Variants in DPAGT1 observed in about 807,000 individuals in gnomAD.
The protein encoded by DPAGT1 is UDP-N-acetylglucosamine--dolichyl-phosphate N-acetylglucosaminephosphotransferase.
A neutral mutation model predicts 39.3 loss-of-function variants in DPAGT1; 25 were observed. The observed-to-expected ratio is 0.64, with a 90% CI of 0.46 to 0.89. The LOEUF is 0.89. DPAGT1 is among the 40% of genes least tolerant of loss of function. The pLI is 0.00. For missense variants in DPAGT1, 381 were observed against 500.6 expected (o/e 0.76, Z 2.28); for synonymous variants, 193 against 201.4 (o/e 0.96, Z 0.36).
downstream of DPAGT1, chr11:119,094,628 T>A (rs1064193): frequency 0.3 from 59,018 of 197,560 alleles, 9,966 homozygotes; most frequent in East Asian, 0.51. Flanking sequence ...GCCGCCGGCC[T>A]CCCCCCGGCA....
chr11:119,098,517 G>GT, intron 4 of DPAGT1, 30 bp from the exon 5 acceptor site: 1 of 1,607,636 alleles, frequency 6.2e-7, no homozygotes, highest in Admixed American at 1.7e-5. Context: ...AGAAGGAAAA[G>GT]TTAATACCCA....
rs1227328004 is a variant in DPAGT1 at position 119,097,991 on chromosome 11, T to G, written c.781A>C (p.Thr261Pro). 1.2e-6 allele frequency: 2 copies of G among 1,614,052 alleles called. No individual in the cohort carries two copies. Among genetic ancestry groups the G allele is most frequent in the East Asian group, 4.5e-5 (2 of 44,892 alleles). Residue 261 changes from threonine to proline, a missense_variant, in exon 6 of 9, where the codon ACC (threonine) becomes CCC (proline). Thr to Pro is a conservative substitution (Grantham distance 38, BLOSUM62 -1). Transcript: ENST00000354202. This position sits in a 1 kb window ranked among gnomAD's most constrained non-coding sequence, Gnocchi z 4.6. Reference sequence around the variant, plus strand: ...CCCAAGATGCCCACCACGGCAAAGGTCATGCCAGCAAAGTAACAGAAGGTA... The same window carrying G: ...CCCAAGATGCCCACCACGGCAAAGGGCATGCCAGCAAAGTAACAGAAGGTA... ...GDTFCYFAGM[T>P]FAVVGILGHF... is the part of the protein sequence containing the mutation.
intron 1 of DPAGT1, 66 bp from the exon 2 acceptor site, chr11:119,101,204 G>A (rs1040735128): frequency 5.6e-6 from 9 of 1,607,998 alleles, no homozygotes; most frequent in Admixed American, 5.0e-5. Context: ...ACTAGTGCAG[G>A]TGTTACAGTA....
intron 5 of DPAGT1, 128 bp downstream of exon 5, chr11:119,098,275 A>C: frequency 8.3e-7 from 1 of 1,211,686 alleles, no homozygotes; most frequent in East Asian, 2.3e-5. Flanking sequence ...AATACGACCA[A>C]CTGAAGACGC....
chr11:119,099,982 A>G (rs898476006), intron 4 of DPAGT1, among the ~76,000 whole-genome samples: 2 of 152,078 alleles, frequency 1.3e-5, no homozygotes, highest in Non-Finnish European at 2.9e-5. Context: ...CGGTCACAGA[A>G]TGACCCTGTG....
In DPAGT1 at chr11:119,101,497, C is replaced by T. The variant is rs1414244040; in HGVS notation, c.159G>A (p.Gln53=). Reference sequence around the variant, plus strand: ...CGGACCCGTGTGCCGCTGCTCACATCTGCTGTCGGCTGGTTTTGTTGAGGT... The same window carrying T: ...CGGACCCGTGTGCCGCTGCTCACATTTGCTGTCGGCTGGTTTTGTTGAGGT... ...GQDLNKTSRQ[Q]IPESQGVISG... Residue 53 remains glutamine (Q), a splice_region_variant and synonymous_variant, in exon 1 of 9, where the codon CAG becomes CAA. Transcript: ENST00000354202. The T allele has an allele frequency of 3.1e-6, 5 of 1,614,080 alleles. No homozygotes were observed. The highest frequency in any genetic ancestry group is 4.2e-6 in the Non-Finnish European group (5 of 1,179,932).
At position 119,097,427 on chromosome 11, in the gene DPAGT1, G is replaced by A. The variant is rs775602137; in HGVS notation, c.1005+37C>T. 1.2e-6 allele frequency: 2 copies of A among 1,613,090 alleles called. No individual in the cohort carries two copies. Reference sequence around the variant, plus strand: ...GTTCCCCATTCCTCAAGGTCAGGATGGCAGCCTAGGGCCTTACCTCCTTGT... The same window carrying A: ...GTTCCCCATTCCTCAAGGTCAGGATAGCAGCCTAGGGCCTTACCTCCTTGT... On this transcript the variant is annotated intron_variant, in intron 7 of 8. Transcript: ENST00000354202. The surrounding 1 kb of genome is among the most constrained non-coding windows in gnomAD (Gnocchi z 4.6).
chr11:119,100,506 G>A (rs1592228811), intron 3 of DPAGT1, 98 bp from the exon 4 acceptor site: 1 of 1,600,360 alleles, frequency 6.2e-7, no homozygotes, highest in Non-Finnish European at 8.6e-7. Context: ...TAGGATGAAG[G>A]GCTACCAGAA....
intron 4 of DPAGT1, 34 bp from the exon 5 acceptor site, chr11:119,098,521 A>G (rs1431305989): frequency 1.2e-6 from 2 of 1,604,506 alleles, no homozygotes; most frequent in Admixed American, 3.3e-5. Context: ...GGAAAAGTTA[A>G]TACCCACTTC....
chr11:119,095,049 G>A (rs1236744705), downstream of DPAGT1: 3 of 1,613,766 alleles, frequency 1.9e-6, no homozygotes, highest in African/African-American at 2.7e-5. Flanking sequence ...TTGGGCAGCA[G>A]CACGGCCTGG....
downstream of DPAGT1, chr11:119,095,588 G>T: frequency 1.7e-6 from 1 of 574,954 alleles, no homozygotes; most frequent in Non-Finnish European, 2.9e-6. Flanking sequence ...GGGTGTCGCG[G>T]CTCGGCTGAG....
chr11:119,101,832 T>A lies in DPAGT1; in HGVS notation c.-177A>T. 6.7e-7 allele frequency: 1 copy of A among 1,482,026 alleles called. No individual in the cohort carries two copies. The highest frequency in any genetic ancestry group is 8.9e-7 in the Non-Finnish European group (1 of 1,118,160). The allele number at this position is 1,482,026 out of a possible 1,614,324, so 91.8% of individuals were successfully genotyped here. A position where few individuals can be genotyped will look rare whatever the true frequency, so the allele number is the denominator to read the frequency against. ...GCCGCCGTCGGGACACCGGGGAACC[T>A]CTCTAAGGCAACCTATGTTCTGCCC... On this transcript the variant is annotated 5_prime_UTR_variant, in exon 1 of 9. Coordinates refer to ENST00000354202, the MANE Select transcript of DPAGT1 (RefSeq NM_001382.4).
Position 119,100,331 on chromosome 11 carries a change from C to T in DPAGT1, c.574G>A (p.Gly192Ser), listed in dbSNP as rs768464558. Residue 192 changes from glycine to serine, a missense_variant, in exon 4 of 9, where the codon GGC becomes AGC. By Grantham distance (56) the Gly-to-Ser change is moderately conservative. Coordinates refer to ENST00000354202, the MANE Select transcript of DPAGT1 (RefSeq NM_001382.4). ...NAINILAGIN[G>S]LEAGQSLVIS... ...ACTAGTGACTGGCCAGCCTCTAGGCCGTTAATTCCTGCTAGGATATTGATG... is the reference window on the plus strand; with the variant it reads ...ACTAGTGACTGGCCAGCCTCTAGGCTGTTAATTCCTGCTAGGATATTGATG... The T allele has an allele frequency of 2.6e-5, 42 of 1,614,048 alleles. No homozygotes were observed. Among genetic ancestry groups the T allele is most frequent in the South Asian group, 9.9e-5 (9 of 91,090 alleles).
chr11:119,101,789 C>G lies in DPAGT1; in HGVS notation c.-134G>C. Reference sequence around the variant, plus strand: ...CTTCCCACACCAATCTGAGCAAAACCCAGCAACTCTGACTTGAGCCGCCGT... The same window carrying G: ...CTTCCCACACCAATCTGAGCAAAACGCAGCAACTCTGACTTGAGCCGCCGT... On this transcript the variant is annotated 5_prime_UTR_variant, in exon 1 of 9. Coordinates refer to ENST00000354202, the MANE Select transcript of DPAGT1 (RefSeq NM_001382.4). 6.5e-7 allele frequency: 1 copy of G among 1,546,920 alleles called. No homozygotes were observed. The highest frequency in any genetic ancestry group is 8.7e-7 in the Non-Finnish European group (1 of 1,147,848).
At position 119,097,476 on chromosome 11, in the gene DPAGT1, G is replaced by A. The variant is rs1946418951; in HGVS notation, c.993C>T (p.Thr331=). 2 of 1,614,186 alleles carry A rather than the reference G, an allele frequency of 1.2e-6. No homozygotes were observed. Among genetic ancestry groups the A allele is most frequent in the Non-Finnish European group, 1.7e-6 (2 of 1,180,034 alleles). The change falls in exon 7 of 9, where the codon ACC becomes ACT. Residue 331 remains threonine, a synonymous_variant. Coordinates refer to ENST00000354202, the MANE Select transcript of DPAGT1 (RefSeq NM_001382.4). This position sits in a 1 kb window ranked among gnomAD's most constrained non-coding sequence, Gnocchi z 4.6. ...FKTKSLSFLG[T]FILKVAESLQ... ...GTTACCCTGTTACCTTTAAAATAAA[G>A]GTGCCCAAGAAAGAGAGGCTCTTGG...
chr11:119,100,537 G>T (rs755661117), intron 3 of DPAGT1, 93 bp downstream of exon 3: 9 of 1,597,152 alleles, frequency 5.6e-6, no homozygotes, highest in Admixed American at 3.4e-5. Flanking sequence ...AAGACACAGA[G>T]ACAAAAAAGG....
chr11:119,095,348 T>C (rs1244223065), downstream of DPAGT1: 8 of 1,597,744 alleles, frequency 5.0e-6, no homozygotes, highest in Non-Finnish European at 6.0e-6. Context: ...CGAGCGCGAC[T>C]TGGCCTTGGC....
In DPAGT1 at chr11:119,097,042, A is replaced by G; in HGVS notation, c.1183T>C (p.Phe395Leu). 2 of 1,614,194 alleles carry G rather than the reference A, an allele frequency of 1.2e-6. No homozygotes were observed. Among genetic ancestry groups the G allele is most frequent in the Non-Finnish European group, 1.7e-6 (2 of 1,180,030 alleles). The change falls in exon 9 of 9, where the codon TTC becomes CTC. Residue 395 changes from phenylalanine to leucine, a missense_variant. Physicochemically the swap from Phe to Leu is conservative, Grantham distance 22. Coordinates refer to ENST00000354202, the MANE Select transcript of DPAGT1 (RefSeq NM_001382.4). This position sits in a 1 kb window ranked among gnomAD's most constrained non-coding sequence, Gnocchi z 4.6. ...LLQILGSAIT[F>L]SIRYQLVRLF... ...CGAACGAGCTGATATCGAATGGAGA[A>G]GGTGATGGCACTGCCCAGGATCTGC...
chr11:119,100,925 C>T (rs1452945637), intron 2 of DPAGT1, 82 bp from the exon 3 acceptor site: 2 of 1,613,902 alleles, frequency 1.2e-6, no homozygotes, highest in Admixed American at 1.7e-5. Flanking sequence ...CTGATAATTT[C>T]TTAGCCCCTC....
Sources: allele counts gnomAD v4.1 joint callset (sites outside exome capture counted in the v4.1 genomes callset), GRCh38; gene constraint gnomAD v4.1.1; non-coding constraint Gnocchi (gnomAD v3.1); transcripts MANE v1.5; gene names NCBI Gene and HGNC (gene_info 2026-07-23, HGNC 2026-07-21).